Variants in LMAN2L observed in about 807,000 individuals in gnomAD.
LMAN2L encodes the protein VIP36-like protein.
In LMAN2L, 30 loss-of-function variants were observed where a neutral mutation model predicts 44.3. The ratio of observed to expected loss-of-function variants is 0.68; its 90% CI spans 0.51 to 0.92. The LOEUF (loss-of-function observed/expected upper bound fraction) is 0.92, where lower values mean the gene tolerates loss of function less well. LMAN2L is among the 40% of genes least tolerant of loss of function. The pLI is 0.00. For synonymous variants in LMAN2L, 183 were observed against 171.1 expected (o/e 1.07, Z -0.54); for missense variants, 429 against 446.1 (o/e 0.96, Z 0.35).
intron 4 of LMAN2L, among the ~76,000 whole-genome samples, chr2:96,717,707 C>G (rs1013586128): frequency 1.8e-4 from 28 of 151,640 alleles, no homozygotes; most frequent in Non-Finnish European, 3.7e-4. Context: ...GGCATGGTGT[C>G]ATATGCCTGT....
chr2:96,734,133 G>A (rs2078463559), intron 3 of LMAN2L, among the ~76,000 whole-genome samples: 1 of 152,214 alleles, frequency 6.6e-6, no homozygotes. Context: ...TCAGCGTTCA[G>A]GAGAGCCAGT....
chr2:96,724,733 G>A (rs2078231386), intron 4 of LMAN2L, among the ~76,000 whole-genome samples: 1 of 152,164 alleles, frequency 6.6e-6, no homozygotes, highest in Non-Finnish European at 1.5e-5. Flanking sequence ...TGTAGCCTCC[G>A]CCTCCCAGGT....
chr2:96,727,538 G>A (rs147407658), intron 4 of LMAN2L, among the ~76,000 whole-genome samples: 1 of 152,306 alleles, frequency 6.6e-6, no homozygotes, highest in Admixed American at 6.5e-5. Context: ...AGGAGGCTGA[G>A]GTAGGAGGAT....
intron 4 of LMAN2L, among the ~76,000 whole-genome samples, chr2:96,733,152 A>G (rs1331076088): frequency 6.6e-6 from 1 of 152,236 alleles, no homozygotes; most frequent in African/African-American, 2.4e-5. Flanking sequence ...AAGAGAGCAC[A>G]GCACTGATGG....
At chr2:96,720,768 G>A (rs1376989092) in intron 4 of LMAN2L, among the ~76,000 whole-genome samples, 5 of 151,914 alleles carry the variant, frequency 3.3e-5, no homozygotes, top group South Asian at 2.1e-4. Context: ...GTGAAACCTC[G>A]TCTCTACTAA....
intron 2 of LMAN2L, among the ~76,000 whole-genome samples, chr2:96,736,416 A>G (rs2078516120): frequency 2.6e-5 from 4 of 152,344 alleles, no homozygotes; most frequent in Admixed American, 2.0e-4. Context: ...TGATAGCCAG[A>G]TAACAGCGAA....
At chr2:96,736,815 C>T (rs1162922576) in intron 2 of LMAN2L, among the ~76,000 whole-genome samples, 1 of 152,140 alleles carries the variant, frequency 6.6e-6, no homozygotes, top group African/African-American at 2.4e-5. Flanking sequence ...TTTCAACTGT[C>T]CTTTATCTCT....
chr2:96,707,607 C>T (rs886609349), intron 7 of LMAN2L, 107 bp downstream of exon 7: 3 of 1,398,878 alleles, frequency 2.1e-6, no homozygotes, highest in Non-Finnish European at 2.9e-6. Flanking sequence ...TGCTCCCTAC[C>T]CTTCAGAAGA....
chr2:96,732,750 C>T (rs2078430396), intron 4 of LMAN2L, among the ~76,000 whole-genome samples: 1 of 151,084 alleles, frequency 6.6e-6, no homozygotes, highest in Non-Finnish European at 1.5e-5. Context: ...AAATGCTGGG[C>T]TTTCATCAGT....
intron 4 of LMAN2L, among the ~76,000 whole-genome samples, chr2:96,725,394 C>G (rs2078248347): frequency 6.6e-6 from 1 of 152,174 alleles, no homozygotes; most frequent in South Asian, 2.1e-4. Flanking sequence ...AGCCACCACA[C>G]CTGGCCCCAA....
At chr2:96,730,584 G>A (rs1024530194) in intron 4 of LMAN2L, among the ~76,000 whole-genome samples, 21 of 152,178 alleles carry the variant, frequency 1.4e-4, no homozygotes, top group African/African-American at 4.6e-4. Context: ...CCTAGGAACT[G>A]TGCAACATAA....
At chr2:96,713,688 TA>T (rs1300066491) in intron 4 of LMAN2L, among the ~76,000 whole-genome samples, 1 of 152,214 alleles carries the variant, frequency 6.6e-6, no homozygotes, top group African/African-American at 2.4e-5. Context: ...ACTATGAAAC[TA>T]ACTCTAATCC....
chr2:96,711,842 G>A (rs2077926806), intron 5 of LMAN2L, 22 bp downstream of exon 5: 1 of 1,613,812 alleles, frequency 6.2e-7, no homozygotes, highest in Non-Finnish European at 8.5e-7. Flanking sequence ...ACCACCATCT[G>A]GTCCAGGACA....
chr2:96,738,428 CCA>C (rs1239769051), intron 1 of LMAN2L, among the ~76,000 whole-genome samples: 3 of 152,106 alleles, frequency 2.0e-5, no homozygotes, highest in Non-Finnish European at 4.4e-5. Context: ...CATGTAATCC[CCA>C]CACTTTGAGA....
chr2:96,728,519 A>AG (rs1221615170), intron 4 of LMAN2L, among the ~76,000 whole-genome samples: 1 of 149,526 alleles, frequency 6.7e-6, no homozygotes, highest in African/African-American at 2.5e-5. Flanking sequence ...AAAAAAAAAA[A>AG]AAAGAAATTG....
intron 4 of LMAN2L, among the ~76,000 whole-genome samples, chr2:96,730,592 T>C (rs2078371997): frequency 6.6e-6 from 1 of 152,198 alleles, no homozygotes; most frequent in Non-Finnish European, 1.5e-5. Context: ...CTGTGCAACA[T>C]AACAAGACTA....
At chr2:96,717,700 A>T (rs1241193427) in intron 4 of LMAN2L, among the ~76,000 whole-genome samples, 1 of 151,754 alleles carries the variant, frequency 6.6e-6, no homozygotes, top group Non-Finnish European at 1.5e-5. Flanking sequence ...TTAGACGGGC[A>T]TGGTGTCATA....
chr2:96,734,662 C>CT (rs2078477485), intron 2 of LMAN2L, 136 bp from the exon 3 acceptor site: 3 of 639,062 alleles, frequency 4.7e-6, no homozygotes, highest in African/African-American at 1.8e-5. Flanking sequence ...AAATCTAAGA[C>CT]TTGCTATGTG....
chr2:96,737,966 C>G lies in LMAN2L; in HGVS notation c.289G>C (p.Ala97Pro), dbSNP rs757932178. 2 of 1,612,092 alleles carry G rather than the reference C, an allele frequency of 1.2e-6. No individual in the cohort carries two copies. The highest frequency in any genetic ancestry group is 8.5e-7 in the Non-Finnish European group (1 of 1,178,140). The change falls in exon 2 of 8, where the codon GCC (alanine) becomes CCC (proline). Residue 97 changes from alanine (A) to proline (P), a missense_variant. Ala to Pro is a conservative substitution (Grantham distance 27, BLOSUM62 -1). Coordinates refer to ENST00000264963, the MANE Select transcript of LMAN2L (RefSeq NM_030805.4). ...ATTCTTACCACCCGGTTCCACAAGG[C>G]ACCCTGTTTACTTTGCATATCTGGG... is the stretch of plus-strand genomic sequence containing the variant. ...LTPDMQSKQGALWNRVPCFLR... is the reference protein window; with the variant it reads ...LTPDMQSKQGPLWNRVPCFLR...
Sources: allele counts gnomAD v4.1 joint callset (sites outside exome capture counted in the v4.1 genomes callset), GRCh38; gene constraint gnomAD v4.1.1; transcripts MANE v1.5; gene names NCBI Gene and HGNC (gene_info 2026-07-23, HGNC 2026-07-21).